The following FTCDNL1 variants were observed in gnomAD, a reference collection of about 807,000 sequenced individuals.
FTCDNL1 encodes formiminotransferase cyclodeaminase N-terminal like.
FTCDNL1 carries 11 observed loss-of-function variants against 5.9 expected under a neutral mutation model. The observed-to-expected ratio is 1.87, with a 90% CI of 1.18 to 3.10. FTCDNL1 has a LOEUF of 3.10. Ranked by LOEUF, FTCDNL1 falls within the 30% of genes most tolerant of loss-of-function variation. FTCDNL1 has a pLI of 0.00. For synonymous variants in FTCDNL1, 58 were observed against 24.8 expected, an observed-to-expected ratio of 2.34 and a Z score of -3.99; for missense variants, 115 against 65.5, an observed-to-expected ratio of 1.76 and a Z score of -2.61.
At chr2:199,697,282 T>G in the FTCDNL1 span, among the ~76,000 whole-genome samples, 1 of 151,510 alleles carries the variant, frequency 6.6e-6, no homozygotes, top group Non-Finnish European at 1.5e-5. Flanking sequence ...AAAAAATAAA[T>G]AAATAAAAAA....
At chr2:199,690,893 G>C in the FTCDNL1 span, among the ~76,000 whole-genome samples, 1 of 152,050 alleles carries the variant, frequency 6.6e-6, no homozygotes, top group Non-Finnish European at 1.5e-5. Flanking sequence ...TTTACTCCAT[G>C]GTCTAAACTT....
chr2:199,772,346 G>A lies in FTCDNL1; in HGVS notation c.212-11511C>T, dbSNP rs185953186. Among the ~76,000 whole-genome samples the A allele has an allele frequency of 1.4e-4, 22 of 152,312 alleles. No individual in the cohort carries two copies. In the East Asian group the frequency reaches 2.3e-3, roughly 16 times the overall value. On this transcript the variant is annotated intron_variant, in intron 3 of 3. Transcript: ENST00000416668. Reference sequence around the variant, plus strand: ...AACAGTAACCAAAACTTCGGAAAGCGAAACTGCAGATAAGGGAGACAACTG... The same window carrying A: ...AACAGTAACCAAAACTTCGGAAAGCAAAACTGCAGATAAGGGAGACAACTG...
chr2:199,768,310 C>T (rs201189269), intron 3 of FTCDNL1, among the ~76,000 whole-genome samples: 1 of 106,712 alleles, frequency 9.4e-6, no homozygotes, highest in Admixed American at 9.4e-5. Flanking sequence ...AGATGAGCTT[C>T]TTATAAGAAC....
chr2:199,834,723 A>G (rs970091194), intron 3 of FTCDNL1, among the ~76,000 whole-genome samples: 1 of 152,168 alleles, frequency 6.6e-6, no homozygotes, highest in Non-Finnish European at 1.5e-5. Context: ...GAAGACGTGT[A>G]TTATTTGTCA....
intron 3 of FTCDNL1, among the ~76,000 whole-genome samples, chr2:199,798,768 T>G (rs1700296690): frequency 6.6e-6 from 1 of 152,198 alleles, no homozygotes; most frequent in Admixed American, 6.6e-5. Flanking sequence ...ATCTTATGGA[T>G]TGCTTACACG....
the FTCDNL1 span, among the ~76,000 whole-genome samples, chr2:199,753,506 A>G: frequency 6.6e-6 from 1 of 152,226 alleles, no homozygotes; most frequent in African/African-American, 2.4e-5. Context: ...ATCCTGATTT[A>G]TATATATTTT....
chr2:199,720,856 G>A, the FTCDNL1 span, among the ~76,000 whole-genome samples: 103 of 151,902 alleles, frequency 6.8e-4, no homozygotes, highest in African/African-American at 2.2e-3. Flanking sequence ...GTAATTTCTC[G>A]AATTAGATTG....
intron 3 of FTCDNL1, among the ~76,000 whole-genome samples, chr2:199,770,874 C>T (rs1698774279): frequency 6.6e-6 from 1 of 152,214 alleles, no homozygotes; most frequent in Non-Finnish European, 1.5e-5. Flanking sequence ...CTACAAGGAG[C>T]ACCTGGCTGC....
chr2:199,732,312 A>G, the FTCDNL1 span, among the ~76,000 whole-genome samples: 1 of 152,204 alleles, frequency 6.6e-6, no homozygotes, highest in African/African-American at 2.4e-5. Context: ...TCAAGGGACT[A>G]TCACTCCTAA....
intron 3 of FTCDNL1, among the ~76,000 whole-genome samples, chr2:199,791,205 T>C (rs1457936609): frequency 1.3e-5 from 2 of 152,144 alleles, no homozygotes; most frequent in Non-Finnish European, 2.9e-5. Context: ...TAGGTCTGTA[T>C]ATAATTGTAT....
At chr2:199,735,368 T>C in the FTCDNL1 span, among the ~76,000 whole-genome samples, 6 of 152,296 alleles carry the variant, frequency 3.9e-5, no homozygotes, top group East Asian at 7.7e-4. Flanking sequence ...CTTAGTGAAA[T>C]AGACTCTGTG....
intron 4 of FTCDNL1, 40 bp from the exon 5 acceptor site, chr2:199,812,764 T>C (rs1422359335): frequency 2.9e-6 from 2 of 695,546 alleles, no homozygotes; most frequent in Non-Finnish European, 5.2e-6. Flanking sequence ...GATTTCGTTT[T>C]CCATGTGTGC....
At chr2:199,841,040 A>G (rs2076571686) in intron 3 of FTCDNL1, among the ~76,000 whole-genome samples, 1 of 151,800 alleles carries the variant, frequency 6.6e-6, no homozygotes, top group South Asian at 2.1e-4. Flanking sequence ...GATCACAGCT[A>G]CTCAGCAGGC....
chr2:199,847,090 C>G (rs1426390268), intron 2 of FTCDNL1, among the ~76,000 whole-genome samples: 1 of 152,132 alleles, frequency 6.6e-6, no homozygotes, highest in Non-Finnish European at 1.5e-5. Flanking sequence ...ACATATGTCA[C>G]TCACTCATGG....
chr2:199,775,789 C>T (rs17628789), intron 3 of FTCDNL1, among the ~76,000 whole-genome samples: 10,880 of 152,164 alleles, frequency 0.072, 503 homozygotes, highest in East Asian at 0.2. Flanking sequence ...GTTCCAGGCT[C>T]GGTACTAATC....
the FTCDNL1 span, among the ~76,000 whole-genome samples, chr2:199,702,837 G>A: frequency 4.6e-5 from 7 of 152,162 alleles, no homozygotes; most frequent in African/African-American, 1.4e-4. Context: ...AAAACGAAGT[G>A]AGGACGGGAG....
chr2:199,681,662 G>A, the FTCDNL1 span, among the ~76,000 whole-genome samples: 1 of 152,148 alleles, frequency 6.6e-6, no homozygotes, highest in African/African-American at 2.4e-5. Flanking sequence ...AAACAAAAGA[G>A]GATCATGAGA....
chr2:199,706,836 A>G, the FTCDNL1 span, among the ~76,000 whole-genome samples: 2 of 152,156 alleles, frequency 1.3e-5, no homozygotes, highest in African/African-American at 2.4e-5. Flanking sequence ...GTTCCCCATA[A>G]TTAGCTGACC....
At chr2:199,753,658 C>T in the FTCDNL1 span, among the ~76,000 whole-genome samples, 1 of 152,222 alleles carries the variant, frequency 6.6e-6, no homozygotes, top group Non-Finnish European at 1.5e-5. Flanking sequence ...GGAAAAGGGA[C>T]ACCTGCACTT....
Sources: allele counts gnomAD v4.1 joint callset (sites outside exome capture counted in the v4.1 genomes callset), GRCh38; gene constraint gnomAD v4.1.1; transcripts MANE v1.5; gene names NCBI Gene and HGNC (gene_info 2026-07-23, HGNC 2026-07-21).